The following IPCEF1 variants were observed in gnomAD, a reference collection of about 807,000 sequenced individuals.
The protein encoded by IPCEF1 is interaction protein for cytohesin exchange factors 1, also known as interactor protein for cytohesin exchange factors 1.
Under a neutral mutation model 50.9 loss-of-function variants are expected in IPCEF1, and 31 were observed. The observed-to-expected ratio is 0.61, with a 90% CI of 0.46 to 0.82. The LOEUF (loss-of-function observed/expected upper bound fraction) is 0.82. IPCEF1 is among the 40% of genes least tolerant of loss of function. The pLI is 0.00. For synonymous variants in IPCEF1, 181 were observed against 192.0 expected, an observed-to-expected ratio of 0.94 and a Z score of 0.47; for missense variants, 458 against 514.0, an observed-to-expected ratio of 0.89 and a Z score of 1.05.
chr6:154,206,015 C>T (rs919046825), intron 9 of IPCEF1, among the ~76,000 whole-genome samples: 13 of 152,210 alleles, frequency 8.5e-5, no homozygotes, highest in Middle Eastern at 3.4e-3. Flanking sequence ...AAAGGATTAC[C>T]TTGGCTATCA....
At chr6:154,298,634 T>G (rs1044028338) in intron 1 of IPCEF1, among the ~76,000 whole-genome samples, 18 of 152,220 alleles carry the variant, frequency 1.2e-4, no homozygotes, top group Non-Finnish European at 2.2e-4. Context: ...TAAGAGTCTC[T>G]TCTTTCAGCA....
intron 1 of IPCEF1, among the ~76,000 whole-genome samples, chr6:154,332,417 T>C (rs1783694685): frequency 6.6e-6 from 1 of 151,984 alleles, no homozygotes; most frequent in African/African-American, 2.4e-5. Flanking sequence ...CTTTTTATGA[T>C]ACAAATTCAT....
At chr6:154,344,128 T>C (rs557547440) in intron 1 of IPCEF1, among the ~76,000 whole-genome samples, 186 of 152,334 alleles carry the variant, frequency 1.2e-3, no homozygotes, top group African/African-American at 4.3e-3. Context: ...ACTCCGAGTC[T>C]CCTCTCTCAG....
chr6:154,342,446 A>G (rs1040259844), intron 1 of IPCEF1, among the ~76,000 whole-genome samples: 2 of 152,102 alleles, frequency 1.3e-5, no homozygotes, highest in Admixed American at 6.5e-5. Flanking sequence ...CCCTCTCCCT[A>G]CATGCCTTCC....
intron 1 of IPCEF1, among the ~76,000 whole-genome samples, chr6:154,302,072 C>A (rs73571021): frequency 0.12 from 18,685 of 152,182 alleles, 2,312 homozygotes; most frequent in African/African-American, 0.32. Context: ...TGAGATTCAA[C>A]TACACTTCAT....
intron 1 of IPCEF1, among the ~76,000 whole-genome samples, chr6:154,334,274 G>A (rs146778051): frequency 0.021 from 3,228 of 152,272 alleles, 61 homozygotes; most frequent in Non-Finnish European, 0.032. Flanking sequence ...AAAGAGTCTA[G>A]CAGTAAAAAG....
intron 8 of IPCEF1, 57 bp downstream of exon 8, chr6:154,214,161 G>A: frequency 2.7e-6 from 3 of 1,122,808 alleles, no homozygotes; most frequent in Non-Finnish European, 4.1e-6. Flanking sequence ...TTTTCACCCT[G>A]TTTCAACCTG....
At chr6:154,322,286 G>A (rs1041531377) in intron 1 of IPCEF1, among the ~76,000 whole-genome samples, 15 of 152,088 alleles carry the variant, frequency 9.9e-5, no homozygotes, top group African/African-American at 3.6e-4. Context: ...GGAGGCTGAG[G>A]CAGGAGAATC....
chr6:154,193,649 A>G (rs569623495), intron 10 of IPCEF1, among the ~76,000 whole-genome samples: 1 of 152,360 alleles, frequency 6.6e-6, no homozygotes, highest in South Asian at 2.1e-4. Flanking sequence ...TAAGAAAGAG[A>G]AGAAAAATTG....
intron 1 of IPCEF1, among the ~76,000 whole-genome samples, chr6:154,346,339 A>T (rs1012430789): frequency 3.4e-5 from 5 of 148,342 alleles, no homozygotes; most frequent in Admixed American, 6.7e-5. Context: ...TAATTATTTT[A>T]AAAAATTTAA....
At chr6:154,355,041 C>G (rs1784192444) in intron 1 of IPCEF1, among the ~76,000 whole-genome samples, 1 of 123,882 alleles carries the variant, frequency 8.1e-6, no homozygotes, top group African/African-American at 2.8e-5. Context: ...CACACACACA[C>G]ACACCATTTG....
Position 154,356,110 on chromosome 6 carries a change from T to C in IPCEF1, c.-62+562A>G, listed in dbSNP as rs116405091. Among the ~76,000 whole-genome samples, 623 of 152,334 alleles carry C rather than the reference T, an allele frequency of 4.1e-3. 6 individuals carry two copies. Among genetic ancestry groups the C allele is most frequent in the African/African-American group, 0.014 (601 of 41,584 alleles). On this transcript the variant is annotated intron_variant, in intron 1 of 11. Transcript: ENST00000367220. ...TATAATTCTGACTTCTATAATTAAA[T>C]ACTTTCACATATACCCCAGCAAAGA...
chr6:154,195,410 G>T (rs1475461131), intron 10 of IPCEF1, among the ~76,000 whole-genome samples: 2 of 152,038 alleles, frequency 1.3e-5, no homozygotes, highest in African/African-American at 2.4e-5. Flanking sequence ...GCCTCCCAAA[G>T]TGCTGGGATT....
intron 3 of IPCEF1, among the ~76,000 whole-genome samples, chr6:154,260,530 T>C (rs1781572136): frequency 6.6e-6 from 1 of 151,320 alleles, no homozygotes; most frequent in South Asian, 2.1e-4. Context: ...TAGAGTGCAG[T>C]GGCGCCATCT....
intron 1 of IPCEF1, among the ~76,000 whole-genome samples, chr6:154,336,913 T>C (rs1239649476): frequency 6.6e-6 from 1 of 152,160 alleles, no homozygotes; most frequent in Non-Finnish European, 1.5e-5. Context: ...CTAGAAAGAA[T>C]GAGTCTTATA....
rs1276067800 is a variant in IPCEF1, at chr6:154,155,559, G to C, written c.*4269C>G. ...CACCTGTAATCCCAGCACTCTGGGA[G>C]GCAGAGGCAGGCAGATCACCTGAGG... On this transcript the variant is annotated 3_prime_UTR_variant, in exon 12 of 12. Coordinates refer to ENST00000367220, the MANE Select transcript of IPCEF1 (RefSeq NM_001130700.2). 6.6e-6 allele frequency: 1 copy of C among 152,264 alleles called. No homozygotes were observed. The highest frequency in any genetic ancestry group is 1.5e-5 in the Non-Finnish European group (1 of 68,100). The allele number at this position is 152,264 out of a possible 1,614,324, so 9.4% of individuals were successfully genotyped here.
intron 5 of IPCEF1, among the ~76,000 whole-genome samples, chr6:154,239,130 C>A (rs959605314): frequency 6.6e-6 from 1 of 151,930 alleles, no homozygotes; most frequent in African/African-American, 2.4e-5. Flanking sequence ...ACAAAAGAAA[C>A]CAACATTTCC....
chr6:154,334,896 C>T (rs751829773), intron 1 of IPCEF1, among the ~76,000 whole-genome samples: 1 of 152,020 alleles, frequency 6.6e-6, no homozygotes, highest in Non-Finnish European at 1.5e-5. Context: ...TCTGATTTTC[C>T]CCCACCTCCC....
chr6:154,245,694 C>T (rs1050137086), intron 5 of IPCEF1, among the ~76,000 whole-genome samples: 1 of 152,158 alleles, frequency 6.6e-6, no homozygotes, highest in Non-Finnish European at 1.5e-5. Context: ...CCTTAATTGA[C>T]TAAAGGCCCT....
Sources: gnomAD v4.1 joint callset for allele counts (sites outside exome capture counted in the v4.1 genomes callset) on GRCh38, gnomAD v4.1.1 for gene constraint, MANE v1.5 for transcripts, NCBI Gene and HGNC (gene_info 2026-07-23, HGNC 2026-07-21) for gene names.